Variants in NUP153 observed in about 807,000 individuals in gnomAD.
The protein encoded by NUP153 is nucleoporin 153, also known as nuclear pore complex protein Nup153.
Under a neutral mutation model 134.6 loss-of-function variants are expected in NUP153, and 27 were observed. That is an observed-to-expected ratio of 0.20 (90% confidence interval 0.15 to 0.28). The LOEUF is 0.28. Among genes scored for constraint, NUP153 ranks in the 10% least tolerant of loss-of-function variants. The probability of loss-of-function intolerance (pLI) is 1.00; values close to 1 mark genes in which losing one functional copy is unlikely to be tolerated. For synonymous variants in NUP153, 640 were observed against 623.5 expected (o/e 1.03, Z -0.40); for missense variants, 1,821 against 1,731.3 (o/e 1.05, Z -0.92).
At chr6:17,616,979 T>C (rs570733161) in intron 20 of NUP153, among the ~76,000 whole-genome samples, 1 of 152,224 alleles carries the variant, frequency 6.6e-6, no homozygotes, top group Non-Finnish European at 1.5e-5. Context: ...CTCGATCTCC[T>C]GACCTTGTGA....
Position 17,628,581 on chromosome 6 carries a change from G to T in NUP153, c.3544+74C>A. 1.2e-6 allele frequency: 1 copy of T among 825,406 alleles called. No homozygotes were observed. The highest frequency in any genetic ancestry group is 1.6e-6 in the Non-Finnish European group (1 of 623,156). 51.1% of individuals were successfully genotyped at this position (825,406 alleles called of 1,614,324 possible). A position where few individuals can be genotyped will look rare whatever the true frequency, so the allele number is the denominator to read the frequency against. On this transcript the variant is annotated intron_variant, in intron 18 of 21. Transcript: ENST00000262077. The surrounding 1 kb of genome is among the most constrained non-coding windows in gnomAD (Gnocchi z 5.4). ...AACCATTAATTGACTTGCTGCATCT[G>T]TCAAGGCAACTTGTAAAACGACAAC...
chr6:17,663,268 T>TA (rs1767316316), intron 9 of NUP153, among the ~76,000 whole-genome samples: 1 of 151,300 alleles, frequency 6.6e-6, no homozygotes, highest in Non-Finnish European at 1.5e-5. Flanking sequence ...CACATATATA[T>TA]ATATATATTT....
chr6:17,632,026 T>A (rs971551389), intron 17 of NUP153, among the ~76,000 whole-genome samples: 3 of 152,142 alleles, frequency 2.0e-5, no homozygotes, highest in African/African-American at 7.2e-5. Context: ...GAGGGAGTCT[T>A]CCTTTGTACT....
chr6:17,671,085 T>A (rs963621837), intron 5 of NUP153, among the ~76,000 whole-genome samples: 6 of 152,214 alleles, frequency 3.9e-5, no homozygotes, highest in Non-Finnish European at 8.8e-5. Context: ...ATTACAGGCA[T>A]GAGCCACCAC....
chr6:17,668,881 A>T, intron 8 of NUP153, 94 bp downstream of exon 8: 1 of 834,916 alleles, frequency 1.2e-6, no homozygotes, highest in Non-Finnish European at 1.9e-6. Flanking sequence ...CATGTTCCCT[A>T]ATGTCTAAAC....
chr6:17,701,831 T>TGGGGGG (rs1180643494), intron 1 of NUP153, among the ~76,000 whole-genome samples: 4 of 15,024 alleles, frequency 2.7e-4, no homozygotes, highest in Non-Finnish European at 5.6e-4. Context: ...AGACTCTGTC[T>TGGGGGG]CGGGGGGGGG....
At chr6:17,646,921 T>TC (rs1482625260) in intron 13 of NUP153, among the ~76,000 whole-genome samples, 59 of 148,594 alleles carry the variant, frequency 4.0e-4, no homozygotes, top group Non-Finnish European at 8.1e-4. Flanking sequence ...GTATTTTCTT[T>TC]TTTTTTTTTT....
intron 2 of NUP153, among the ~76,000 whole-genome samples, chr6:17,681,309 C>G (rs1344291118): frequency 2.6e-5 from 4 of 151,960 alleles, no homozygotes; most frequent in Non-Finnish European, 5.9e-5. Context: ...ATGATGGTTA[C>G]CAGAAGGCGG....
intron 1 of NUP153, among the ~76,000 whole-genome samples, chr6:17,699,795 A>G (rs1769930849): frequency 6.6e-6 from 1 of 152,168 alleles, no homozygotes; most frequent in East Asian, 1.9e-4. Flanking sequence ...AGATCACAGC[A>G]TGGCACTCCA....
intron 11 of NUP153, among the ~76,000 whole-genome samples, chr6:17,650,467 A>G (rs1478630606): frequency 6.6e-6 from 1 of 152,134 alleles, no homozygotes; most frequent in Non-Finnish European, 1.5e-5. Context: ...GAAAACTAAA[A>G]AGTTTCAGCT....
At position 17,625,901 on chromosome 6, in the gene NUP153, C is replaced by T; in HGVS notation, c.3808G>A (p.Val1270Ile). 6.2e-7 allele frequency: 1 copy of T among 1,614,184 alleles called. No individual in the cohort carries two copies. The highest frequency in any genetic ancestry group is 8.5e-7 in the Non-Finnish European group (1 of 1,180,020). The change falls in exon 19 of 22, where the codon GTC becomes ATC. Residue 1270 changes from valine to isoleucine, a missense_variant. Transcript: ENST00000262077. This position sits in a 1 kb window ranked among gnomAD's most constrained non-coding sequence, Gnocchi z 4.7. ...CCTGGACCAAAGACAAATGGGGTGA[C>T]AGCTGTACCTGTGCTGGATGTGGTT... ...LATTSSTGTA[V>I]TPFVFGPGAS...
chr6:17,627,620 C>A (rs774737065), intron 18 of NUP153, among the ~76,000 whole-genome samples: 1 of 152,084 alleles, frequency 6.6e-6, no homozygotes, highest in African/African-American at 2.4e-5. Context: ...TTCAGCCTCC[C>A]GACTAGTTGG....
At position 17,637,677 on chromosome 6, in the gene NUP153, G is replaced by A; in HGVS notation, c.1940C>T (p.Ser647Phe). 6.2e-7 allele frequency: 1 copy of A among 1,612,890 alleles called. No homozygotes were observed. The highest frequency in any genetic ancestry group is 8.5e-7 in the Non-Finnish European group (1 of 1,180,020). The change falls in exon 16 of 22, where the codon TCT (serine) becomes TTT (phenylalanine). Residue 647 changes from serine to phenylalanine, a missense_variant. Physicochemically the swap from Ser to Phe is radical, Grantham distance 155. Transcript: ENST00000262077. Reference sequence around the variant, plus strand: ...ACTCTCCCCAAACCCAATTCCACTAGAAGAAAAGCTACTTATTGCTGGTCT... The same window carrying A: ...ACTCTCCCCAAACCCAATTCCACTAAAAGAAAAGCTACTTATTGCTGGTCT... ...YTRPAISSFS[S>F]SGIGFGESLK...
Position 17,632,848 on chromosome 6 carries a change from A to G in NUP153, c.2465-4T>C, listed in dbSNP as rs769459815. 78 of 1,370,308 alleles carry G rather than the reference A, an allele frequency of 5.7e-5. No homozygotes were observed. The East Asian group carries it at 1.6e-3, about 27-fold the overall frequency. The allele number at this position is 1,370,308 out of a possible 1,614,324, so 84.9% of individuals were successfully genotyped here. ...CTTGAAGCAGGTACTGAACTTCCTA[A>G]AAAAAAAAAAAAAAACGGGGAGTGG... is the stretch of plus-strand genomic sequence containing the variant. On this transcript the variant is annotated splice_region_variant and splice_polypyrimidine_tract_variant and intron_variant, in intron 16 of 21. Transcript: ENST00000262077.
chr6:17,616,289 G>GGC, intron 21 of NUP153, 108 bp from the exon 22 acceptor site: 1 of 467,364 alleles, frequency 2.1e-6, no homozygotes, highest in Admixed American at 3.3e-5. Flanking sequence ...GGGTGGGGGG[G>GGC]GAGTAGACTC....
chr6:17,642,914 C>A (rs951459572), intron 14 of NUP153, among the ~76,000 whole-genome samples: 19 of 152,164 alleles, frequency 1.2e-4, no homozygotes, highest in African/African-American at 4.3e-4. Flanking sequence ...TGAAAGAACT[C>A]AGCTGTACGA....
Position 17,637,623 on chromosome 6 carries a change from T to A in NUP153, c.1994A>T (p.Asp665Val). 6.2e-7 allele frequency: 1 copy of A among 1,614,092 alleles called. No individual in the cohort carries two copies. Among genetic ancestry groups the A allele is most frequent in the South Asian group, 1.1e-5 (1 of 91,080 alleles). ...AACTTTGTTCTGGAGTAGACATGTA[T>A]CACACTGCCATGATGACCCAGCTTT... ...SLKAGSSWQC[D>V]TCLLQNKVTD... The change falls in exon 16 of 22, where the codon GAT becomes GTT. Residue 665 changes from aspartate (D) to valine (V), a missense_variant. Transcript: ENST00000262077.
intron 13 of NUP153, among the ~76,000 whole-genome samples, 172 bp from the exon 14 acceptor site, chr6:17,646,326 G>C (rs1217825641): frequency 6.6e-6 from 1 of 151,896 alleles, no homozygotes; most frequent in Non-Finnish European, 1.5e-5. Flanking sequence ...TCCTGCCTCG[G>C]CCTCCCGAGC....
In NUP153 at chr6:17,688,463, G is replaced by A. The variant is rs150847776; in HGVS notation, c.267C>T (p.Ala89=). 1.6e-3 allele frequency: 2,652 copies of A among 1,613,938 alleles called. 71 individuals are homozygous for A. In the Admixed American group the frequency reaches 0.041, roughly 25 times the overall value. Residue 89 remains alanine, a synonymous_variant, in exon 2 of 22, where the codon GCC becomes GCT. Transcript: ENST00000262077. The stretch of plus-strand genomic sequence containing the variant: ...CAGTAATATTAGAGCTCTCCTCATC[G>A]GCATATACCAGATGGTCCTCTTTAT... ...PENKEDHLVY[A]DEESSNITDG... is the part of the protein sequence containing the mutation.
Sources: allele counts gnomAD v4.1 joint callset (sites outside exome capture counted in the v4.1 genomes callset), GRCh38; gene constraint gnomAD v4.1.1; non-coding constraint Gnocchi (gnomAD v3.1); transcripts MANE v1.5; gene names NCBI Gene and HGNC (gene_info 2026-07-23, HGNC 2026-07-21).